NUP210: variants seen among roughly 807,000 people sequenced by gnomAD.
NUP210 encodes nucleoporin 210.
In NUP210, 151 loss-of-function variants were observed where a neutral mutation model predicts 196.0. That is an observed-to-expected ratio of 0.77 (90% CI 0.67 to 0.88). NUP210 has a LOEUF of 0.88. Among genes scored for constraint, NUP210 ranks in the 40% least tolerant of loss-of-function variants. NUP210 has a pLI of 0.00. For synonymous variants in NUP210, 1,070 were observed against 1,052.7 expected (o/e 1.02, Z -0.32); for missense variants, 2,314 against 2,493.7 (o/e 0.93, Z 1.53).
At chr3:13,376,915 G>A (rs1374061526) in intron 9 of NUP210, among the ~76,000 whole-genome samples, 2 of 151,642 alleles carry the variant, frequency 1.3e-5, no homozygotes, top group African/African-American at 2.4e-5. Context: ...GCTCACTGAC[G>A]AGCCTGGAAT....
intron 38 of NUP210, 23 bp downstream of exon 38, chr3:13,319,207 A>G (rs1180132101): frequency 6.2e-7 from 1 of 1,611,902 alleles, no homozygotes; most frequent in Non-Finnish European, 8.5e-7. Flanking sequence ...GAACAGACCC[A>G]GAGATACAGG....
chr3:13,366,786 G>C (rs1412723573), intron 13 of NUP210, among the ~76,000 whole-genome samples: 1 of 151,130 alleles, frequency 6.6e-6, no homozygotes, highest in African/African-American at 2.4e-5. Context: ...CAAAGTGCTG[G>C]AATTACAGGC....
intron 6 of NUP210, among the ~76,000 whole-genome samples, chr3:13,385,138 C>T (rs1221043268): frequency 6.6e-6 from 1 of 152,176 alleles, no homozygotes; most frequent in African/African-American, 2.4e-5. Context: ...AAGCGTTCTG[C>T]CACACAGGAA....
intron 1 of NUP210, among the ~76,000 whole-genome samples, chr3:13,407,704 TG>T (rs1245567087): frequency 6.6e-6 from 1 of 152,132 alleles, no homozygotes; most frequent in African/African-American, 2.4e-5. Flanking sequence ...AACTCTTCCA[TG>T]GACTGTCCCT....
In NUP210 at chr3:13,372,037, A is replaced by G; in HGVS notation, c.1588-5T>C. 1 of 1,564,412 alleles carries G rather than the reference A, an allele frequency of 6.4e-7. No individual in the cohort carries two copies. Among genetic ancestry groups the G allele is most frequent in the Non-Finnish European group, 8.7e-7 (1 of 1,152,598 alleles). The stretch of plus-strand genomic sequence containing the variant: ...GTGGGGCTCGATCACATACACCTGG[A>G]AGACAGGGGCATGGCCTGGGCTCAG... On this transcript the variant is annotated splice_region_variant and splice_polypyrimidine_tract_variant and intron_variant, in intron 12 of 39. Transcript: ENST00000254508.
chr3:13,383,848 AGCCC>A (rs1559339093), intron 6 of NUP210, among the ~76,000 whole-genome samples: 3 of 151,278 alleles, frequency 2.0e-5, no homozygotes, highest in Non-Finnish European at 4.4e-5. Context: ...TTCTAAAGTC[AGCCC>A]ATCCCCTCTT....
Position 13,388,378 on chromosome 3 carries a change from C to A in NUP210, c.609G>T (p.Gly203=). 6.2e-7 allele frequency: 1 copy of A among 1,612,132 alleles called. No individual in the cohort carries two copies. The highest frequency in any genetic ancestry group is 1.3e-5 in the African/African-American group (1 of 74,878). ...ISEMEKAAKQ[G]DTILVSGMKT... ...TCATCCCAGACACCAGGATGGTGTC[C>A]CCTTGCTTGGCAGCCTTCTCCATCT... Residue 203 remains glycine (G), a synonymous_variant, in exon 5 of 40, where the codon GGG becomes GGT. Transcript: ENST00000254508.
chr3:13,342,100 C>A lies in NUP210; in HGVS notation c.2988G>T (p.Lys996Asn), dbSNP rs377066304. 8.1e-6 allele frequency: 13 copies of A among 1,613,992 alleles called. No individual in the cohort carries two copies. The African/African-American group carries it at 1.7e-4, about 22-fold the overall frequency. ...GCAAGTCCAGCACGCGGACGTATGC[C>A]TTCACTGTCTTCCCAATCTCCACCT... ...VDKVEIGKTV[K>N]AYVRVLDLHK... Residue 996 changes from lysine to asparagine, a missense_variant, in exon 22 of 40, where the codon AAG (lysine) becomes AAT (asparagine). Coordinates refer to ENST00000254508, the MANE Select transcript of NUP210 (RefSeq NM_024923.4).
chr3:13,385,490 C>T (rs1420663156), intron 6 of NUP210, among the ~76,000 whole-genome samples: 1 of 152,228 alleles, frequency 6.6e-6, no homozygotes, highest in African/African-American at 2.4e-5. Flanking sequence ...GTACACAGTA[C>T]AACTACACTC....
At chr3:13,331,911 G>A (rs1006760440) in intron 29 of NUP210, among the ~76,000 whole-genome samples, 23 of 152,162 alleles carry the variant, frequency 1.5e-4, no homozygotes, top group Non-Finnish European at 2.9e-4. Flanking sequence ...CAGGTCTGGG[G>A]TGGGGCTTGA....
Position 13,347,788 on chromosome 3 carries a change from T to C in NUP210, c.2835+4091A>G, listed in dbSNP as rs544987229. ...TCGGAAACAGTCGCCTGCAACTGTT[T>C]CTGAAGCAACCAGGACTTGCTGCTG... is the stretch of plus-strand genomic sequence containing the variant. On this transcript the variant is annotated intron_variant, in intron 20 of 39. Transcript: ENST00000254508. This position sits in a 1 kb window ranked among gnomAD's most constrained non-coding sequence, Gnocchi z 4.7. Among the ~76,000 whole-genome samples the C allele has an allele frequency of 1.1e-3, 161 of 152,300 alleles. No individual in the cohort carries two copies. The highest frequency in any genetic ancestry group is 3.9e-3 in the African/African-American group (161 of 41,554).
intron 28 of NUP210, among the ~76,000 whole-genome samples, chr3:13,334,574 C>G (rs531030580): frequency 6.6e-6 from 1 of 152,184 alleles, no homozygotes; most frequent in East Asian, 1.9e-4. Flanking sequence ...GAGGCGGGGA[C>G]TAGAAACTGT....
rs1475168179 is a variant in NUP210, at chr3:13,348,497, T to C, written c.2835+3382A>G. ...CTTGGAACTCCCCTCTTCTTGGTAA[T>C]GGGGAAGTTTTTATTAATTTCCAAA... On this transcript the variant is annotated intron_variant, in intron 20 of 39. Transcript: ENST00000254508. This position sits in a 1 kb window ranked among gnomAD's most constrained non-coding sequence, Gnocchi z 4.0. 2 of 985,240 alleles carry C rather than the reference T, an allele frequency of 2.0e-6. No individual in the cohort carries two copies. The highest frequency in any genetic ancestry group is 2.4e-6 in the Non-Finnish European group (2 of 829,906). The allele number at this position is 985,240 out of a possible 1,614,324, so 61.0% of individuals were successfully genotyped here. A position where few individuals can be genotyped will look rare whatever the true frequency, so the allele number is the denominator to read the frequency against.
intron 1 of NUP210, among the ~76,000 whole-genome samples, chr3:13,402,772 G>A (rs1437947301): frequency 6.6e-6 from 1 of 152,242 alleles, no homozygotes; most frequent in African/African-American, 2.4e-5. Flanking sequence ...AGTTTGAGGT[G>A]CACAGCAAAA....
intron 3 of NUP210, among the ~76,000 whole-genome samples, chr3:13,393,282 C>A (rs1339390177): frequency 1.3e-5 from 2 of 152,130 alleles, no homozygotes; most frequent in African/African-American, 4.8e-5. Flanking sequence ...CTAAGGGGCT[C>A]TTAGCAAGGA....
intron 39 of NUP210, among the ~76,000 whole-genome samples, chr3:13,318,087 C>A (rs1052519993): frequency 1.3e-5 from 2 of 152,228 alleles, no homozygotes; most frequent in African/African-American, 4.8e-5. Flanking sequence ...CCCCGTGCAT[C>A]TGAATGCAAT....
At chr3:13,329,847 G>A (rs1210522594) in intron 30 of NUP210, among the ~76,000 whole-genome samples, 1 of 152,202 alleles carries the variant, frequency 6.6e-6, no homozygotes, top group Non-Finnish European at 1.5e-5. Flanking sequence ...AGAGGGCAGT[G>A]CCATGATATG....
At chr3:13,366,217 C>T in intron 13 of NUP210, 126 bp from the exon 14 acceptor site, 2 of 880,154 alleles carry the variant, frequency 2.3e-6, no homozygotes, top group Non-Finnish European at 1.7e-6. Context: ...CGACCTCCGC[C>T]TCCGGGGTTC....
chr3:13,352,278 G>C, intron 18 of NUP210, 94 bp from the exon 19 acceptor site: 1 of 877,640 alleles, frequency 1.1e-6, no homozygotes, highest in Non-Finnish European at 1.8e-6. Flanking sequence ...GCCTGGCCTT[G>C]CTCCTGGCCA....
Sources: allele counts gnomAD v4.1 joint callset (sites outside exome capture counted in the v4.1 genomes callset), GRCh38; gene constraint gnomAD v4.1.1; non-coding constraint Gnocchi (gnomAD v3.1); transcripts MANE v1.5; gene names NCBI Gene and HGNC (gene_info 2026-07-23, HGNC 2026-07-21).